The following CSMD1 variants were observed in gnomAD, a reference collection of about 807,000 sequenced individuals.
CSMD1 encodes CUB and sushi domain-containing protein 1.
A neutral mutation model predicts 417.5 loss-of-function variants in CSMD1; 213 were observed. The ratio of observed to expected loss-of-function variants is 0.51; its 90% confidence interval spans 0.46 to 0.57. The LOEUF (loss-of-function observed/expected upper bound fraction) is 0.57, where lower values mean the gene tolerates loss of function less well. CSMD1 is among the 20% of genes least tolerant of loss of function. The pLI, the probability that CSMD1 is intolerant of heterozygous loss-of-function variation, is 0.00. For synonymous variants in CSMD1, 2,862 were observed against 1,736.8 expected, an observed-to-expected ratio of 1.65 and a Z score of -16.11; for missense variants, 6,923 against 4,529.7, an observed-to-expected ratio of 1.53 and a Z score of -15.17.
intron 5 of CSMD1, among the ~76,000 whole-genome samples, chr8:3,957,499 G>A (rs2688338): frequency 0.46 from 69,256 of 151,786 alleles, 16,710 homozygotes; most frequent in East Asian, 0.79. Flanking sequence ...CAACATGGCC[G>A]CACTCTTCTC....
intron 2 of CSMD1, among the ~76,000 whole-genome samples, chr8:4,609,417 T>C (rs1257593447): frequency 6.6e-6 from 1 of 152,052 alleles, no homozygotes; most frequent in Non-Finnish European, 1.5e-5. Flanking sequence ...ACAAAAGAGA[T>C]GAAAGCTGAT....
chr8:4,843,738 C>T (rs751500772), intron 1 of CSMD1, among the ~76,000 whole-genome samples: 2 of 152,208 alleles, frequency 1.3e-5, no homozygotes, highest in Non-Finnish European at 2.9e-5. Flanking sequence ...ATGCCTATCA[C>T]AGTGCAGTGA....
At chr8:4,249,772 G>T (rs1201438597) in intron 3 of CSMD1, among the ~76,000 whole-genome samples, 1 of 151,936 alleles carries the variant, frequency 6.6e-6, no homozygotes, top group Non-Finnish European at 1.5e-5. Flanking sequence ...GGAATTAATG[G>T]GGCACTTGGG....
intron 5 of CSMD1, among the ~76,000 whole-genome samples, chr8:3,911,230 C>T (rs1487466767): frequency 6.6e-6 from 1 of 152,112 alleles, no homozygotes; most frequent in Non-Finnish European, 1.5e-5. Flanking sequence ...AATGCTCATT[C>T]CAAAATCAAA....
chr8:3,688,330 C>G (rs760083593), intron 7 of CSMD1, among the ~76,000 whole-genome samples: 2 of 152,108 alleles, frequency 1.3e-5, no homozygotes, highest in Non-Finnish European at 2.9e-5. Context: ...CTAAGCCTTA[C>G]AAATGCCAGT....
intron 3 of CSMD1, among the ~76,000 whole-genome samples, chr8:4,181,003 G>T (rs193051452): frequency 1.3e-5 from 2 of 152,036 alleles, no homozygotes; most frequent in East Asian, 3.9e-4. Flanking sequence ...CACTATTATG[G>T]AATAAAAGCA....
intron 37 of CSMD1, among the ~76,000 whole-genome samples, chr8:3,173,715 T>C (rs772214946): frequency 2.6e-5 from 4 of 152,194 alleles, no homozygotes; most frequent in Admixed American, 1.3e-4. Flanking sequence ...ACTCGCTATA[T>C]TGGAGTTCTG....
intron 25 of CSMD1, among the ~76,000 whole-genome samples, chr8:3,303,604 C>G (rs1804581356): frequency 6.6e-6 from 1 of 152,156 alleles, no homozygotes; most frequent in African/African-American, 2.4e-5. Flanking sequence ...GTGAGCTTTC[C>G]AGACAATTAC....
intron 2 of CSMD1, among the ~76,000 whole-genome samples, chr8:4,489,373 T>C (rs562661335): frequency 1.3e-5 from 2 of 152,360 alleles, no homozygotes; most frequent in African/African-American, 4.8e-5. Context: ...CATCCATGTA[T>C]ATTTCACATG....
intron 1 of CSMD1, among the ~76,000 whole-genome samples, chr8:4,728,097 T>G (rs1057313057): frequency 6.8e-6 from 1 of 146,898 alleles, no homozygotes; most frequent in East Asian, 2.0e-4. Flanking sequence ...AATATGTACA[T>G]TTGGTATATT....
At chr8:3,782,323 G>A (rs1429387391) in intron 5 of CSMD1, among the ~76,000 whole-genome samples, 1 of 152,120 alleles carries the variant, frequency 6.6e-6, no homozygotes, top group African/African-American at 2.4e-5. Flanking sequence ...GTATGATACT[G>A]TGGCCCTATA....
intron 48 of CSMD1, among the ~76,000 whole-genome samples, chr8:3,090,316 C>A (rs1286140605): frequency 9.5e-4 from 76 of 79,806 alleles, no homozygotes; most frequent in South Asian, 1.9e-3. Flanking sequence ...GACTGTATTT[C>A]AAAAAAAAAA....
At chr8:3,600,829 A>G (rs1406139678) in intron 8 of CSMD1, among the ~76,000 whole-genome samples, 2 of 145,814 alleles carry the variant, frequency 1.4e-5, no homozygotes, top group Non-Finnish European at 2.9e-5. Context: ...TGCAACATTC[A>G]TATGCATGTT....
chr8:4,686,696 TTACA>T (rs1276779378), intron 1 of CSMD1, among the ~76,000 whole-genome samples: 2 of 152,228 alleles, frequency 1.3e-5, no homozygotes, highest in Non-Finnish European at 2.9e-5. Context: ...AAGGCTCATA[TTACA>T]TAAATTTGTA....
At chr8:3,621,130 C>G (rs111478134) in intron 7 of CSMD1, among the ~76,000 whole-genome samples, 1 of 152,156 alleles carries the variant, frequency 6.6e-6, no homozygotes, top group Non-Finnish European at 1.5e-5. Context: ...GAAACCAACC[C>G]TGCCCAAACC....
chr8:4,394,788 C>G (rs1437670066), intron 3 of CSMD1, among the ~76,000 whole-genome samples: 1 of 152,124 alleles, frequency 6.6e-6, no homozygotes, highest in African/African-American at 2.4e-5. Flanking sequence ...TTGATGCAGC[C>G]TCACCTTAGT....
At chr8:4,439,968 C>T (rs995092828) in intron 2 of CSMD1, among the ~76,000 whole-genome samples, 1 of 152,112 alleles carries the variant, frequency 6.6e-6, no homozygotes, top group Non-Finnish European at 1.5e-5. Flanking sequence ...AAGATCCTGG[C>T]CTGCACACTT....
intron 2 of CSMD1, among the ~76,000 whole-genome samples, chr8:4,577,426 TG>T (rs1799190457): frequency 6.6e-6 from 1 of 152,196 alleles, no homozygotes; most frequent in Non-Finnish European, 1.5e-5. Context: ...TTGGACACTC[TG>T]CTCTCAGGAA....
intron 2 of CSMD1, among the ~76,000 whole-genome samples, chr8:4,428,102 G>T (rs1438199): frequency 0.18 from 27,149 of 152,056 alleles, 2,559 homozygotes; most frequent in South Asian, 0.28. Flanking sequence ...AGAGTGAATG[G>T]GATACATCTC....
Sources: gnomAD v4.1 joint callset for allele counts (sites outside exome capture counted in the v4.1 genomes callset) on GRCh38, gnomAD v4.1.1 for gene constraint, MANE v1.5 for transcripts, NCBI Gene and HGNC (gene_info 2026-07-23, HGNC 2026-07-21) for gene names.